OGFOD1: variants seen among roughly 807,000 people sequenced by gnomAD.
OGFOD1 encodes prolyl 3-hydroxylase OGFOD1.
In OGFOD1, 54 loss-of-function variants were observed where a neutral mutation model predicts 67.7. That is an observed-to-expected ratio of 0.80 (90% CI 0.64 to 1.00). OGFOD1 has a LOEUF of 1.00. Among genes scored for constraint, OGFOD1 ranks in the 50% least tolerant of loss-of-function variants. The pLI, the probability that OGFOD1 is intolerant of heterozygous loss-of-function variation, is 0.00. For missense variants in OGFOD1, 606 were observed against 646.7 expected (o/e 0.94, Z 0.68); for synonymous variants, 221 against 227.0 (o/e 0.97, Z 0.24).
At chr16:56,466,792 G>T in intron 5 of OGFOD1, 84 bp from the exon 6 acceptor site, 2 of 1,004,212 alleles carry the variant, frequency 2.0e-6, no homozygotes, top group Admixed American at 1.7e-5. Flanking sequence ...GATGCCCTCA[G>T]AAGTTTGGAA....
intron 8 of OGFOD1, among the ~76,000 whole-genome samples, chr16:56,468,223 A>G (rs965207143): frequency 6.6e-6 from 1 of 152,212 alleles, no homozygotes; most frequent in Non-Finnish European, 1.5e-5. Context: ...AATCCCTTGG[A>G]TATTCCCCAG....
At chr16:56,473,844 T>C (rs539596792) in intron 10 of OGFOD1, among the ~76,000 whole-genome samples, 14 of 152,200 alleles carry the variant, frequency 9.2e-5, no homozygotes, top group African/African-American at 3.4e-4. Flanking sequence ...TCTCGCTCTG[T>C]CACCCAGGCT....
chr16:56,469,708 G>C (rs1963062183), intron 8 of OGFOD1, among the ~76,000 whole-genome samples: 1 of 152,170 alleles, frequency 6.6e-6, no homozygotes, highest in South Asian at 2.1e-4. Context: ...AAATTAGCCA[G>C]GCGTGGTGGT....
At position 56,462,935 on chromosome 16, in the gene OGFOD1, T is replaced by A. The variant is rs192833804; in HGVS notation, c.448+301T>A. Among the ~76,000 whole-genome samples, 345 of 152,338 alleles carry A rather than the reference T, an allele frequency of 2.3e-3. 3 individuals are homozygous for A. Among genetic ancestry groups the A allele is most frequent in the South Asian group, 3.7e-3 (18 of 4,834 alleles). On this transcript the variant is annotated intron_variant, in intron 4 of 12. Coordinates refer to ENST00000566157, the MANE Select transcript of OGFOD1 (RefSeq NM_018233.4). ...AATTCAGAGTGATATATAAACTCTA[T>A]TCTTAGACTTCCTAAGGAACAACCA...
At chr16:56,451,801 A>C in intron 1 of OGFOD1, 35 bp downstream of exon 1, 1 of 1,609,244 alleles carries the variant, frequency 6.2e-7, no homozygotes. Flanking sequence ...GCCGCCACGC[A>C]GAGGTCTAGG....
chr16:56,474,251 A>AT (rs1204404077), intron 10 of OGFOD1, among the ~76,000 whole-genome samples: 5 of 148,056 alleles, frequency 3.4e-5, no homozygotes, highest in African/African-American at 1.3e-4. Context: ...CGTATTTTTT[A>AT]TTTTTTTGCA....
intron 2 of OGFOD1, chr16:56,454,647 G>C (rs575002731): frequency 1.9e-5 from 6 of 320,492 alleles, no homozygotes; most frequent in African/African-American, 2.5e-5. Context: ...CTTCAAATTG[G>C]GGGGGGAAAA....
At chr16:56,467,361 A>G in intron 7 of OGFOD1, 68 bp downstream of exon 7, 1 of 1,557,526 alleles carries the variant, frequency 6.4e-7, no homozygotes, top group Non-Finnish European at 8.8e-7. Context: ...TGATTTTAAA[A>G]TTAGCTGTTC....
intron 10 of OGFOD1, among the ~76,000 whole-genome samples, chr16:56,472,699 A>C (rs767056586): frequency 4.6e-5 from 7 of 152,174 alleles, no homozygotes; most frequent in Non-Finnish European, 1.0e-4. Context: ...ATATCCTTCC[A>C]CTGTTTTTTT....
chr16:56,469,710 C>T (rs1330759789), intron 8 of OGFOD1, among the ~76,000 whole-genome samples: 2 of 151,804 alleles, frequency 1.3e-5, no homozygotes, highest in Admixed American at 1.3e-4. Flanking sequence ...ATTAGCCAGG[C>T]GTGGTGGTGC....
Position 56,474,857 on chromosome 16 carries a change from C to T in OGFOD1, c.1315C>T (p.Leu439=), listed in dbSNP as rs1963383088. 8 of 1,612,454 alleles carry T rather than the reference C, an allele frequency of 5.0e-6. No homozygotes were observed. The highest frequency in any genetic ancestry group is 5.9e-6 in the Non-Finnish European group (7 of 1,179,238). The change falls in exon 11 of 13, where the codon CTG becomes TTG. Residue 439 remains leucine, a synonymous_variant. Coordinates refer to ENST00000566157, the MANE Select transcript of OGFOD1 (RefSeq NM_018233.4). The part of the protein sequence containing the change: ...ESSVPMCQGE[L]RHWKTGHYTL... ...AAGTGTTCCCATGTGCCAAGGGGAACTGAGGCATTGGAAGACCGGTCACTA... is the reference window on the plus strand; with the variant it reads ...AAGTGTTCCCATGTGCCAAGGGGAATTGAGGCATTGGAAGACCGGTCACTA...
Position 56,470,562 on chromosome 16 carries a change from A to G in OGFOD1, c.1056A>G (p.Ala352=). The change falls in exon 10 of 13, where the codon GCA becomes GCG. Residue 352 remains alanine (A), a synonymous_variant. Coordinates refer to ENST00000566157, the MANE Select transcript of OGFOD1 (RefSeq NM_018233.4). ...GCATGAAGTTATTTCGCTCTGAGGC[A>G]CTATTCTTGCTGCTCTCCAACTTCA... ...KECMKLFRSE[A]LFLLLSNFTG... 6.2e-7 allele frequency: 1 copy of G among 1,614,152 alleles called. No homozygotes were observed. Among genetic ancestry groups the G allele is most frequent in the Non-Finnish European group, 8.5e-7 (1 of 1,180,002 alleles).
Position 56,470,031 on chromosome 16 carries a change from C to T in OGFOD1, c.929C>T (p.Ala310Val), listed in dbSNP as rs1963091729. 1 of 1,613,794 alleles carries T rather than the reference C, an allele frequency of 6.2e-7. No individual in the cohort carries two copies. The highest frequency in any genetic ancestry group is 1.3e-5 in the African/African-American group (1 of 74,804). ...KPEKFTKVCE[A>V]LEHGHVEWSS... is the part of the protein sequence containing the mutation. Reference sequence around the variant, plus strand: ...GAGAAATTCACGAAAGTCTGTGAGGCCTTGGAGCATGGACATGTGGAATGG... The same window carrying T: ...GAGAAATTCACGAAAGTCTGTGAGGTCTTGGAGCATGGACATGTGGAATGG... Residue 310 changes from alanine (A) to valine (V), a missense_variant, in exon 9 of 13, where the codon GCC becomes GTC. Ala to Val is a moderately conservative substitution (Grantham distance 64). Coordinates refer to ENST00000566157, the MANE Select transcript of OGFOD1 (RefSeq NM_018233.4).
chr16:56,471,970 T>C (rs1268216540), intron 10 of OGFOD1, among the ~76,000 whole-genome samples: 2 of 152,100 alleles, frequency 1.3e-5, no homozygotes, highest in Non-Finnish European at 2.9e-5. Flanking sequence ...TTTGTTTGTT[T>C]GTTTGTTTTG....
At chr16:56,463,657 A>T (rs1301031034) in intron 4 of OGFOD1, among the ~76,000 whole-genome samples, 2 of 151,746 alleles carry the variant, frequency 1.3e-5, no homozygotes, top group East Asian at 3.9e-4. Flanking sequence ...CCTGACCTCA[A>T]GTGATCCGCC....
At chr16:56,455,546 T>C (rs555158387) in intron 2 of OGFOD1, among the ~76,000 whole-genome samples, 1 of 152,292 alleles carries the variant, frequency 6.6e-6, no homozygotes, top group East Asian at 1.9e-4. Context: ...CCTAAGACAG[T>C]AGATGTAAAA....
Position 56,470,425 on chromosome 16 carries a change from T to C in OGFOD1, c.981-62T>C, listed in dbSNP as rs565472876. The C allele has an allele frequency of 2.9e-4, 413 of 1,446,602 alleles. 7 individuals are homozygous for C. In the South Asian group the frequency reaches 4.7e-3, roughly 16 times the overall value. 89.6% of individuals were successfully genotyped at this position (1,446,602 alleles called of 1,614,324 possible). ...AGGTACAAAGCTAACGATCAGCTTT[T>C]ATTCTGTGAGTCATTTTACATCTGT... On this transcript the variant is annotated intron_variant, in intron 9 of 12. Coordinates refer to ENST00000566157, the MANE Select transcript of OGFOD1 (RefSeq NM_018233.4).
chr16:56,467,393 G>A (rs1168780759), intron 7 of OGFOD1, 100 bp downstream of exon 7: 2 of 1,271,232 alleles, frequency 1.6e-6, no homozygotes, highest in Non-Finnish European at 2.2e-6. Context: ...ACTGGACCTT[G>A]AGCTTGCCCC....
intron 1 of OGFOD1, among the ~76,000 whole-genome samples, chr16:56,452,950 A>G (rs996704808): frequency 2.6e-5 from 4 of 152,206 alleles, no homozygotes; most frequent in African/African-American, 9.6e-5. Context: ...AAATGAATTA[A>G]AAATCTAAAA....
Sources: gnomAD v4.1 joint callset for allele counts (sites outside exome capture counted in the v4.1 genomes callset) on GRCh38, gnomAD v4.1.1 for gene constraint, MANE v1.5 for transcripts, NCBI Gene and HGNC (gene_info 2026-07-23, HGNC 2026-07-21) for gene names.